CLASP2: variants seen among roughly 807,000 people sequenced by gnomAD.
The protein encoded by CLASP2 is CLIP-associating protein 2.
CLASP2 carries 47 observed loss-of-function variants against 194.4 expected under a neutral mutation model. The observed-to-expected ratio is 0.24, with a 90% CI of 0.19 to 0.31. The LOEUF is 0.31. Among genes scored for constraint, CLASP2 ranks in the 10% least tolerant of loss-of-function variants. The pLI is 1.00. For synonymous variants in CLASP2, 619 were observed against 633.5 expected (o/e 0.98, Z 0.34); for missense variants, 1,445 against 1,823.6 (o/e 0.79, Z 3.78).
intron 34 of CLASP2, among the ~76,000 whole-genome samples, chr3:33,529,903 G>A (rs991411851): frequency 6.6e-6 from 1 of 151,262 alleles, no homozygotes; most frequent in Non-Finnish European, 1.5e-5. Flanking sequence ...GTGTGAACCC[G>A]GGAGGCGGAG....
intron 9 of CLASP2, among the ~76,000 whole-genome samples, chr3:33,627,974 C>A (rs909402962): frequency 5.3e-5 from 8 of 152,082 alleles, no homozygotes; most frequent in Admixed American, 1.3e-4. Context: ...AGCCAATGAC[C>A]CAGGTGTGAG....
chr3:33,534,280 G>C (rs2056913589), intron 34 of CLASP2, among the ~76,000 whole-genome samples: 1 of 152,098 alleles, frequency 6.6e-6, no homozygotes, highest in Admixed American at 6.6e-5. Flanking sequence ...AAAATAACTA[G>C]GACAGGCACA....
intron 34 of CLASP2, among the ~76,000 whole-genome samples, chr3:33,519,909 A>G (rs1366623553): frequency 1.3e-5 from 2 of 152,220 alleles, no homozygotes; most frequent in Non-Finnish European, 2.9e-5. Context: ...TACCAAATAT[A>G]AAATATGTGA....
At chr3:33,641,704 C>T (rs1320257206) in intron 8 of CLASP2, among the ~76,000 whole-genome samples, 1 of 151,616 alleles carries the variant, frequency 6.6e-6, no homozygotes, top group African/African-American at 2.4e-5. Flanking sequence ...AAATACATTC[C>T]CAAACTACAA....
chr3:33,562,598 A>G (rs562590747), intron 27 of CLASP2, among the ~76,000 whole-genome samples: 4 of 152,246 alleles, frequency 2.6e-5, no homozygotes, highest in African/African-American at 9.6e-5. Flanking sequence ...CAAACACTAC[A>G]TATCAGAGCT....
chr3:33,698,595 A>T (rs2092140457), intron 1 of CLASP2, among the ~76,000 whole-genome samples: 2 of 152,226 alleles, frequency 1.3e-5, no homozygotes, highest in Non-Finnish European at 2.9e-5. Flanking sequence ...TTGAGTAGAA[A>T]CTTGAGGAAA....
intron 6 of CLASP2, among the ~76,000 whole-genome samples, chr3:33,675,600 G>A (rs2088419094): frequency 6.7e-6 from 1 of 149,956 alleles, no homozygotes; most frequent in Non-Finnish European, 1.5e-5. Context: ...AATTAGGCAG[G>A]AGAAGGAAAT....
chr3:33,663,597 T>C, intron 6 of CLASP2, 82 bp from the exon 7 acceptor site: 1 of 976,982 alleles, frequency 1.0e-6, no homozygotes, highest in South Asian at 1.5e-5. Context: ...CACCATTCCC[T>C]TAGAAAAAAC....
intron 30 of CLASP2, among the ~76,000 whole-genome samples, chr3:33,548,757 TC>T (rs2059544333): frequency 6.7e-6 from 1 of 150,176 alleles, no homozygotes; most frequent in Non-Finnish European, 1.5e-5. Flanking sequence ...GACTACGGTT[TC>T]ATTTCTTTTT....
intron 23 of CLASP2, among the ~76,000 whole-genome samples, chr3:33,579,377 T>TAG (rs1392597611): frequency 6.6e-6 from 1 of 152,366 alleles, no homozygotes; most frequent in East Asian, 1.9e-4. Flanking sequence ...TAATTAGTAG[T>TAG]AGATTATAAA....
At chr3:33,680,323 A>G (rs1457798591) in intron 6 of CLASP2, among the ~76,000 whole-genome samples, 1 of 152,216 alleles carries the variant, frequency 6.6e-6, no homozygotes, top group Non-Finnish European at 1.5e-5. Flanking sequence ...TATAACACCA[A>G]GGGTCACCCC....
In CLASP2 at chr3:33,646,107, C is replaced by T. The variant is rs559082334; in HGVS notation, c.716-1204G>A. Among the ~76,000 whole-genome samples the T allele has an allele frequency of 3.5e-4, 53 of 152,116 alleles. 1 individual carries two copies. The highest frequency in any genetic ancestry group is 1.9e-3 in the South Asian group (9 of 4,818). On this transcript the variant is annotated intron_variant, in intron 7 of 38. Transcript: ENST00000682230. ...TCAGATGAATATGCCAGAATCTTTTCCTTTCAATGAACTTTCTTTACTTAA... is the reference window on the plus strand; with the variant it reads ...TCAGATGAATATGCCAGAATCTTTTTCTTTCAATGAACTTTCTTTACTTAA...
chr3:33,695,156 C>T (rs775154828), intron 2 of CLASP2, among the ~76,000 whole-genome samples: 3 of 150,114 alleles, frequency 2.0e-5, no homozygotes, highest in Non-Finnish European at 4.4e-5. Context: ...AAATCCTGGG[C>T]CCAACCTCCC....
chr3:33,576,361 G>T, intron 23 of CLASP2, 86 bp from the exon 24 acceptor site: 1 of 978,734 alleles, frequency 1.0e-6, no homozygotes, highest in Non-Finnish European at 1.5e-6. Context: ...CCTTTACAGG[G>T]GAAGGAAAAA....
At chr3:33,651,052 A>T (rs945136771) in intron 7 of CLASP2, among the ~76,000 whole-genome samples, 8 of 152,326 alleles carry the variant, frequency 5.3e-5, no homozygotes, top group African/African-American at 1.7e-4. Context: ...GAGGCTATTT[A>T]TGTGTATTCT....
rs1299664442 is a variant in CLASP2 at position 33,551,162 on chromosome 3, G to A, written c.3153+90C>T. The A allele has an allele frequency of 4.4e-6, 5 of 1,141,872 alleles. No individual in the cohort carries two copies. In the Admixed American group the frequency reaches 6.6e-5, roughly 15 times the overall value. 70.7% of individuals were successfully genotyped at this position (1,141,872 alleles called of 1,614,324 possible). A position where few individuals can be genotyped will look rare whatever the true frequency, so the allele number is the denominator to read the frequency against. On this transcript the variant is annotated intron_variant, in intron 30 of 38. Transcript: ENST00000682230. ...TCATAACTCACTGCTAATTGCTAAGGTCCTGAAAATATTAGCTTCCTTCAC... is the reference window on the plus strand; with the variant it reads ...TCATAACTCACTGCTAATTGCTAAGATCCTGAAAATATTAGCTTCCTTCAC...
chr3:33,654,695 T>C (rs149143004), intron 7 of CLASP2, among the ~76,000 whole-genome samples: 17 of 152,176 alleles, frequency 1.1e-4, no homozygotes, highest in African/African-American at 3.8e-4. Context: ...TTTAGTAAAA[T>C]TATTAGAAAT....
intron 28 of CLASP2, among the ~76,000 whole-genome samples, chr3:33,560,415 G>T (rs1438172252): frequency 2.6e-5 from 4 of 151,814 alleles, no homozygotes; most frequent in African/African-American, 9.7e-5. Flanking sequence ...GCTAATTTTT[G>T]TATTTTTAGT....
chr3:33,696,159 G>GT (rs1011061009), intron 2 of CLASP2, among the ~76,000 whole-genome samples: 70 of 144,396 alleles, frequency 4.8e-4, no homozygotes, highest in East Asian at 3.0e-3. Flanking sequence ...ATTGGGTCTT[G>GT]TTTTTTTTTT....
Sources: allele counts gnomAD v4.1 joint callset (sites outside exome capture counted in the v4.1 genomes callset), GRCh38; gene constraint gnomAD v4.1.1; transcripts MANE v1.5; gene names NCBI Gene and HGNC (gene_info 2026-07-23, HGNC 2026-07-21).